TXNDC16: variants seen among roughly 807,000 people sequenced by gnomAD.
TXNDC16 encodes thioredoxin domain containing 16.
A neutral mutation model predicts 85.6 loss-of-function variants in TXNDC16; 74 were observed. That is an observed-to-expected ratio of 0.86 (90% CI 0.72 to 1.05). The LOEUF is 1.05. Among genes scored for constraint, TXNDC16 ranks in the 50% least tolerant of loss-of-function variants. The pLI, the probability that TXNDC16 is intolerant of heterozygous loss-of-function variation, is 0.00. For missense variants in TXNDC16, 959 were observed against 947.0 expected, an observed-to-expected ratio of 1.01 and a Z score of -0.17; for synonymous variants, 335 against 326.5, an observed-to-expected ratio of 1.03 and a Z score of -0.28.
intron 6 of TXNDC16, among the ~76,000 whole-genome samples, chr14:52,528,650 C>T (rs543786613): frequency 2.6e-4 from 39 of 150,714 alleles, no homozygotes; most frequent in Non-Finnish European, 4.1e-4. Flanking sequence ...AAAAAAATTG[C>T]TTAGTAGTAA....
chr14:52,449,509 TC>T (rs2035359376), intron 18 of TXNDC16, among the ~76,000 whole-genome samples: 2 of 152,138 alleles, frequency 1.3e-5, no homozygotes, highest in Non-Finnish European at 2.9e-5. Flanking sequence ...GCTGAAGATT[TC>T]AACAACCCAC....
At chr14:52,507,729 G>C (rs2036845979) in intron 9 of TXNDC16, among the ~76,000 whole-genome samples, 1 of 152,116 alleles carries the variant, frequency 6.6e-6, no homozygotes, top group Non-Finnish European at 1.5e-5. Flanking sequence ...TAGACCAATG[G>C]AACAGAACAG....
At chr14:52,458,596 AT>A (rs953686820) in intron 16 of TXNDC16, among the ~76,000 whole-genome samples, 3 of 152,132 alleles carry the variant, frequency 2.0e-5, no homozygotes, top group Non-Finnish European at 4.4e-5. Context: ...TTATTAAAAT[AT>A]TTTTTTAGCC....
intron 4 of TXNDC16, among the ~76,000 whole-genome samples, chr14:52,538,180 C>A (rs1013737703): frequency 6.6e-6 from 1 of 152,190 alleles, no homozygotes; most frequent in African/African-American, 2.4e-5. Flanking sequence ...GGCTGAAACT[C>A]CTAAAAGGCT....
chr14:52,510,505 T>C (rs1456547058), intron 9 of TXNDC16, among the ~76,000 whole-genome samples: 1 of 152,196 alleles, frequency 6.6e-6, no homozygotes, highest in Non-Finnish European at 1.5e-5. Flanking sequence ...TTCCCCTAAC[T>C]CTACACATCC....
At position 52,534,136 on chromosome 14, in the gene TXNDC16, C is replaced by CTCCT. The variant is rs148989603; in HGVS notation, c.392+2579_392+2582dup. Among the ~76,000 whole-genome samples the CTCCT allele has an allele frequency of 4.2e-3, 645 of 152,284 alleles. 10 individuals are homozygous for CTCCT. Among genetic ancestry groups the CTCCT allele is most frequent in the African/African-American group, 0.015 (618 of 41,554 alleles). ...ATAAGGATTTTGGCCTACAGCTGGA[C>CTCCT]TCCTCACTTTTCAGTGGTTACCCAA... On this transcript the variant is annotated intron_variant, in intron 6 of 20. Transcript: ENST00000281741.
intron 1 of TXNDC16, among the ~76,000 whole-genome samples, chr14:52,544,911 T>C (rs780855711): frequency 2.0e-5 from 3 of 152,120 alleles, no homozygotes; most frequent in Non-Finnish European, 2.9e-5. Flanking sequence ...ATCATTGACA[T>C]TAAAATTGAT....
intron 9 of TXNDC16, among the ~76,000 whole-genome samples, chr14:52,500,779 T>C (rs2140167209): frequency 6.6e-6 from 1 of 151,658 alleles, no homozygotes; most frequent in Non-Finnish European, 1.5e-5. Context: ...AATTCAAGTG[T>C]CTTGAATCTG....
rs560914026 is a variant in TXNDC16 at position 52,503,028 on chromosome 14, G to C, written c.756+8212C>G. Reference sequence around the variant, plus strand: ...ACTGCAAGGTGGCAGCGAGGCTTGAGGAGGGGCGCCCGCCATTGCCAAGGC... The same window carrying C: ...ACTGCAAGGTGGCAGCGAGGCTTGACGAGGGGCGCCCGCCATTGCCAAGGC... On this transcript the variant is annotated intron_variant, in intron 9 of 20. Coordinates refer to ENST00000281741, the MANE Select transcript of TXNDC16 (RefSeq NM_020784.3). Among the ~76,000 whole-genome samples, 4 of 152,336 alleles carry C rather than the reference G, an allele frequency of 2.6e-5. No individual in the cohort carries two copies. The South Asian group carries it at 8.3e-4, about 32-fold the overall frequency.
chr14:52,538,980 G>A (rs2037767264), intron 4 of TXNDC16, among the ~76,000 whole-genome samples: 1 of 152,152 alleles, frequency 6.6e-6, no homozygotes, highest in African/African-American at 2.4e-5. Context: ...TTAAGTTACA[G>A]CATAAGGATG....
chr14:52,454,515 T>C (rs922067413), intron 18 of TXNDC16, among the ~76,000 whole-genome samples: 1 of 151,078 alleles, frequency 6.6e-6, no homozygotes. Context: ...AAACTTTTTT[T>C]AAACCAGGCT....
At chr14:52,499,439 C>G (rs1467915788) in intron 9 of TXNDC16, among the ~76,000 whole-genome samples, 1 of 151,836 alleles carries the variant, frequency 6.6e-6, no homozygotes, top group Non-Finnish European at 1.5e-5. Flanking sequence ...AATAACAAAA[C>G]AAATAACTCA....
chr14:52,496,826 G>T (rs1246108825), intron 9 of TXNDC16, among the ~76,000 whole-genome samples: 2 of 151,770 alleles, frequency 1.3e-5, no homozygotes, highest in African/African-American at 2.4e-5. Context: ...GCTCAGGCTG[G>T]TCTCAAACTC....
chr14:52,435,853 C>G (rs2035014925), intron 20 of TXNDC16, among the ~76,000 whole-genome samples: 1 of 152,022 alleles, frequency 6.6e-6, no homozygotes, highest in East Asian at 1.9e-4. Flanking sequence ...GTGGTGCATG[C>G]ATGTAGTCCT....
At chr14:52,496,409 C>T (rs2036533655) in intron 9 of TXNDC16, among the ~76,000 whole-genome samples, 1 of 144,716 alleles carries the variant, frequency 6.9e-6, no homozygotes, top group Non-Finnish European at 1.5e-5. Context: ...GGTCTGCCCT[C>T]CAACTCGTCT....
At chr14:52,445,461 T>C (rs2035259323) in intron 18 of TXNDC16, among the ~76,000 whole-genome samples, 1 of 152,218 alleles carries the variant, frequency 6.6e-6, no homozygotes, top group Non-Finnish European at 1.5e-5. Context: ...TTAGCATCTA[T>C]AGCTAATAAA....
At chr14:52,441,470 ATGG>A (rs1341579839) in intron 18 of TXNDC16, among the ~76,000 whole-genome samples, 1 of 151,922 alleles carries the variant, frequency 6.6e-6, no homozygotes, top group Non-Finnish European at 1.5e-5. Context: ...TTAGCTGGGT[ATGG>A]TGGTGCCCGC....
intron 12 of TXNDC16, among the ~76,000 whole-genome samples, chr14:52,487,176 G>GAGAC (rs2036290129): frequency 6.6e-6 from 1 of 152,142 alleles, no homozygotes; most frequent in Non-Finnish European, 1.5e-5. Context: ...CAGGAAACAA[G>GAGAC]AGACCAGAAC....
At chr14:52,534,446 T>C (rs2037653571) in intron 6 of TXNDC16, among the ~76,000 whole-genome samples, 1 of 152,178 alleles carries the variant, frequency 6.6e-6, no homozygotes, top group Non-Finnish European at 1.5e-5. Context: ...ATTAGTGTAC[T>C]TTATGTGTGG....
Sources: gnomAD v4.1 joint callset for allele counts (sites outside exome capture counted in the v4.1 genomes callset) on GRCh38, gnomAD v4.1.1 for gene constraint, MANE v1.5 for transcripts, NCBI Gene and HGNC (gene_info 2026-07-23, HGNC 2026-07-21) for gene names.